The following SLIT1 variants were observed in gnomAD, a reference collection of about 807,000 sequenced individuals.
The protein encoded by SLIT1 is slit homolog 1 protein.
In SLIT1, 66 loss-of-function variants were observed where a neutral mutation model predicts 186.1. The observed-to-expected ratio is 0.35, with a 90% CI of 0.29 to 0.44. The LOEUF (loss-of-function observed/expected upper bound fraction) is 0.44. SLIT1 is among the 20% of genes least tolerant of loss of function. The pLI is 1.00. For missense variants in SLIT1, 1,638 were observed against 2,037.4 expected (o/e 0.80, Z 3.77); for synonymous variants, 761 against 833.8 (o/e 0.91, Z 1.50).
chr10:97,039,931 C>T, intron 21 of SLIT1, 57 bp downstream of exon 21: 12 of 1,588,416 alleles, frequency 7.6e-6, no homozygotes, highest in Non-Finnish European at 1.0e-5. Context: ...AGGAAATGCC[C>T]CCACTGTCCC....
intron 18 of SLIT1, among the ~76,000 whole-genome samples, chr10:97,045,733 T>A (rs2134624519): frequency 6.6e-6 from 1 of 152,300 alleles, no homozygotes; most frequent in African/African-American, 2.4e-5. Flanking sequence ...CAAAACATAG[T>A]GCATAATAAA....
chr10:97,141,493 G>A (rs180835003), intron 4 of SLIT1, among the ~76,000 whole-genome samples: 19 of 152,200 alleles, frequency 1.2e-4, no homozygotes, highest in Admixed American at 5.2e-4. Flanking sequence ...ACAAGCACAC[G>A]CGATAAAACA....
intron 4 of SLIT1, among the ~76,000 whole-genome samples, chr10:97,069,985 C>A (rs994504356): frequency 6.6e-6 from 1 of 152,132 alleles, no homozygotes; most frequent in African/African-American, 2.4e-5. Flanking sequence ...GAGAACCCAA[C>A]CCAGGTCATA....
At chr10:97,096,397 T>A (rs1849290345) in intron 4 of SLIT1, among the ~76,000 whole-genome samples, 4 of 149,950 alleles carry the variant, frequency 2.7e-5, no homozygotes, top group African/African-American at 9.9e-5. Flanking sequence ...GCCAGCGCCC[T>A]GTTCCCTCAA....
chr10:97,080,763 T>C (rs1405353993), intron 4 of SLIT1, among the ~76,000 whole-genome samples: 3 of 152,254 alleles, frequency 2.0e-5, no homozygotes, highest in Non-Finnish European at 2.9e-5. Context: ...TTTGACGTAT[T>C]GGTCATTTGA....
At chr10:97,127,673 A>G (rs1658508227) in intron 4 of SLIT1, among the ~76,000 whole-genome samples, 1 of 152,192 alleles carries the variant, frequency 6.6e-6, no homozygotes, top group Non-Finnish European at 1.5e-5. Context: ...AGCTTCAGGG[A>G]TCATGCGTAG....
At chr10:97,046,967 C>A (rs1466423603) in intron 17 of SLIT1, 24 bp downstream of exon 17, 1 of 1,591,716 alleles carries the variant, frequency 6.3e-7, no homozygotes, top group Admixed American at 1.7e-5. Flanking sequence ...CCAACAGACA[C>A]CTTCTCGCCA....
At chr10:97,102,439 GAAA>G in intron 4 of SLIT1, 1 of 132,466 alleles carries the variant, frequency 7.5e-6, no homozygotes, top group East Asian at 2.1e-4. Context: ...AAAAAAAAAA[GAAA>G]GAAAGAAAGA....
At chr10:97,013,888 C>T (rs183099089) in intron 29 of SLIT1, 54 bp from the exon 30 acceptor site, 36 of 1,538,752 alleles carry the variant, frequency 2.3e-5, no homozygotes, top group African/African-American at 6.9e-5. Context: ...TGTGCTCTGC[C>T]GGGCAGCCAG....
intron 23 of SLIT1, 131 bp downstream of exon 23, chr10:97,034,339 GC>G: frequency 2.7e-6 from 2 of 731,102 alleles, no homozygotes; most frequent in South Asian, 1.4e-5. Flanking sequence ...AGGCTCTCAG[GC>G]CCGGCACCCT....
chr10:97,067,867 C>T (rs1471362673), intron 4 of SLIT1, among the ~76,000 whole-genome samples: 4 of 152,154 alleles, frequency 2.6e-5, no homozygotes, highest in Non-Finnish European at 5.9e-5. Context: ...CCTTTCAGCC[C>T]CTCACCCCAC....
At chr10:97,039,496 C>T (rs879264141) in intron 21 of SLIT1, among the ~76,000 whole-genome samples, 2 of 152,204 alleles carry the variant, frequency 1.3e-5, no homozygotes, top group Non-Finnish European at 2.9e-5. Flanking sequence ...GTCCTAAAAA[C>T]GCACCGCTCT....
intron 4 of SLIT1, among the ~76,000 whole-genome samples, chr10:97,111,810 C>T (rs1233119248): frequency 6.6e-6 from 1 of 152,108 alleles, no homozygotes; most frequent in African/African-American, 2.4e-5. Context: ...CCAGATGGCC[C>T]ACCACCCTGT....
At chr10:97,058,137 T>G (rs1482490659) in intron 11 of SLIT1, 3 of 699,254 alleles carry the variant, frequency 4.3e-6, no homozygotes, top group Non-Finnish European at 5.4e-6. Context: ...GGACAGTAAC[T>G]TGGTCTTTAC....
At chr10:97,052,714 A>G (rs1848800953) in intron 13 of SLIT1, among the ~76,000 whole-genome samples, 1 of 152,194 alleles carries the variant, frequency 6.6e-6, no homozygotes, top group South Asian at 2.1e-4. Flanking sequence ...TTACACAGGG[A>G]CTTCGCCACA....
intron 4 of SLIT1, chr10:97,101,331 G>C (rs1849351417): frequency 6.6e-6 from 1 of 152,214 alleles, no homozygotes; most frequent in Non-Finnish European, 1.5e-5. Context: ...ACCTCTCGGG[G>C]AGCAGAAGGC....
At chr10:97,017,907 G>A (rs1848467896) in intron 28 of SLIT1, among the ~76,000 whole-genome samples, 1 of 150,680 alleles carries the variant, frequency 6.6e-6, no homozygotes, top group Admixed American at 6.6e-5. Context: ...GGAGTGCAGT[G>A]GAATGATCTT....
chr10:97,173,701 G>A (rs1196153722), intron 1 of SLIT1, among the ~76,000 whole-genome samples: 1 of 152,090 alleles, frequency 6.6e-6, no homozygotes, highest in Non-Finnish European at 1.5e-5. Flanking sequence ...TTTCCAGGAT[G>A]TGAGGTTGAT....
intron 8 of SLIT1, among the ~76,000 whole-genome samples, chr10:97,062,709 A>T (rs1376608590): frequency 6.6e-6 from 1 of 152,154 alleles, no homozygotes; most frequent in Non-Finnish European, 1.5e-5. Flanking sequence ...CAGCTGGGGG[A>T]GCTGCAGGCA....
Sources: gnomAD v4.1 joint callset for allele counts (sites outside exome capture counted in the v4.1 genomes callset) on GRCh38, gnomAD v4.1.1 for gene constraint, MANE v1.5 for transcripts, NCBI Gene and HGNC (gene_info 2026-07-23, HGNC 2026-07-21) for gene names.